ANKS1B: variants seen among roughly 807,000 people sequenced by gnomAD.
ANKS1B encodes ankyrin repeat and sterile alpha motif domain containing 1B.
In ANKS1B, 36 loss-of-function variants were observed where a neutral mutation model predicts 148.3. That is an observed-to-expected ratio of 0.24 (90% CI 0.19 to 0.32). The LOEUF is 0.32. ANKS1B is among the 10% of genes least tolerant of loss of function. ANKS1B has a pLI of 1.00. For synonymous variants in ANKS1B, 542 were observed against 560.8 expected, an observed-to-expected ratio of 0.97 and a Z score of 0.47; for missense variants, 1,157 against 1,542.6, an observed-to-expected ratio of 0.75 and a Z score of 4.19.
intron 1 of ANKS1B, among the ~76,000 whole-genome samples, chr12:99,867,555 A>T (rs1002980681): frequency 7.9e-5 from 12 of 152,242 alleles, no homozygotes; most frequent in African/African-American, 2.6e-4. Context: ...GCCAAGCAAA[A>T]AGAGTTTCCC....
At chr12:98,917,025 A>G (rs1051625838) in intron 17 of ANKS1B, among the ~76,000 whole-genome samples, 6 of 151,320 alleles carry the variant, frequency 4.0e-5, no homozygotes, top group South Asian at 2.1e-4. Context: ...CAGTGGCACA[A>G]TCACAGCTCA....
chr12:98,757,724 A>ACTT (rs2098284186), intron 25 of ANKS1B, among the ~76,000 whole-genome samples: 2 of 152,204 alleles, frequency 1.3e-5, no homozygotes, highest in African/African-American at 4.8e-5. Context: ...ATTTAGTTTT[A>ACTT]CTTTTATTAC....
At chr12:99,599,553 G>A (rs190915919) in intron 9 of ANKS1B, among the ~76,000 whole-genome samples, 71 of 152,192 alleles carry the variant, frequency 4.7e-4, no homozygotes, top group African/African-American at 1.5e-3. Context: ...TAGAAGGCAA[G>A]AGATTATTGA....
intron 1 of ANKS1B, among the ~76,000 whole-genome samples, chr12:99,864,993 G>C (rs1363168105): frequency 6.6e-6 from 1 of 152,182 alleles, no homozygotes; most frequent in Non-Finnish European, 1.5e-5. Context: ...CGTTTGCCTA[G>C]TGATCTTTTC....
intron 1 of ANKS1B, among the ~76,000 whole-genome samples, chr12:99,871,340 A>G (rs2091490303): frequency 6.6e-6 from 1 of 152,074 alleles, no homozygotes; most frequent in South Asian, 2.1e-4. Flanking sequence ...AACTCCAATA[A>G]TGTGATGACT....
chr12:98,918,605 G>A (rs1423128252), intron 17 of ANKS1B, among the ~76,000 whole-genome samples: 1 of 152,030 alleles, frequency 6.6e-6, no homozygotes, highest in Non-Finnish European at 1.5e-5. Context: ...TATATTCTTG[G>A]ATTAAATGGT....
chr12:99,542,237 T>C (rs2097132922), intron 9 of ANKS1B, among the ~76,000 whole-genome samples: 1 of 152,044 alleles, frequency 6.6e-6, no homozygotes, highest in African/African-American at 2.4e-5. Flanking sequence ...AGGACAATAC[T>C]AAAAAAACCA....
At chr12:98,979,120 C>T (rs1157390672) in intron 17 of ANKS1B, among the ~76,000 whole-genome samples, 1 of 151,064 alleles carries the variant, frequency 6.6e-6, no homozygotes, top group Non-Finnish European at 1.5e-5. Flanking sequence ...CTAGCCTGGG[C>T]AACAGAGCGA....
rs116953725 is a variant in ANKS1B, at chr12:98,900,818, G to A, written c.2779-68682C>T. On this transcript the variant is annotated intron_variant, in intron 17 of 26. Transcript: ENST00000683438. ...TTGAATACCTGTGATGTCATATGTC[G>A]AGCTGGTTGCTAAGGGATAGGAAAG... is the stretch of plus-strand genomic sequence containing the variant. Among the ~76,000 whole-genome samples the A allele has an allele frequency of 6.4e-3, 980 of 152,192 alleles. 5 individuals are homozygous for A. Among genetic ancestry groups the A allele is most frequent in the South Asian group, 0.016 (76 of 4,808 alleles).
At chr12:98,789,357 A>G (rs1162723879) in intron 22 of ANKS1B, among the ~76,000 whole-genome samples, 1 of 151,932 alleles carries the variant, frequency 6.6e-6, no homozygotes, top group Non-Finnish European at 1.5e-5. Flanking sequence ...AAAACAAAAA[A>G]CCTGAAAAAA....
intron 17 of ANKS1B, among the ~76,000 whole-genome samples, chr12:98,884,907 T>C (rs2099735901): frequency 6.6e-6 from 1 of 151,700 alleles, no homozygotes; most frequent in Non-Finnish European, 1.5e-5. Context: ...GTAGACCCAA[T>C]GATCTGCTTG....
chr12:99,199,351 C>G (rs1176155975), intron 14 of ANKS1B, among the ~76,000 whole-genome samples: 2 of 152,130 alleles, frequency 1.3e-5, no homozygotes, highest in Non-Finnish European at 2.9e-5. Flanking sequence ...TAAACTATTT[C>G]CTGTGTTGTT....
chr12:99,370,131 C>T (rs2093045585), intron 12 of ANKS1B, among the ~76,000 whole-genome samples: 1 of 152,068 alleles, frequency 6.6e-6, no homozygotes, highest in Admixed American at 6.5e-5. Context: ...AAAAATTAGT[C>T]TTCAGCAGCT....
rs142497743 is a variant in ANKS1B at position 99,742,572 on chromosome 12, C to T, written c.1128+30350G>A. Among the ~76,000 whole-genome samples the T allele has an allele frequency of 2.5e-4, 38 of 151,674 alleles. 1 individual carries two copies. The highest frequency in any genetic ancestry group is 3.4e-3 in the Middle Eastern group (1 of 294). ...GAATTTGGCTGGGTGCAGTGAATCA[C>T]GCCTGTAATCCCAGCACTTTGGGAG... On this transcript the variant is annotated intron_variant, in intron 8 of 26. Transcript: ENST00000683438.
At chr12:99,790,069 A>G (rs2065463287) in intron 4 of ANKS1B, among the ~76,000 whole-genome samples, 1 of 152,218 alleles carries the variant, frequency 6.6e-6, no homozygotes, top group Non-Finnish European at 1.5e-5. Context: ...GCATTTAAGA[A>G]TCAAACTCCC....
intron 1 of ANKS1B, among the ~76,000 whole-genome samples, chr12:99,908,719 C>T (rs186065802): frequency 6.6e-6 from 1 of 152,318 alleles, no homozygotes; most frequent in Non-Finnish European, 1.5e-5. Context: ...TCGGTCTCTG[C>T]TGAAATATTA....
chr12:99,691,402 C>T (rs2098678657), intron 8 of ANKS1B, among the ~76,000 whole-genome samples: 1 of 152,182 alleles, frequency 6.6e-6, no homozygotes, highest in African/African-American at 2.4e-5. Flanking sequence ...TGTCAGGCTG[C>T]AAATTTTTCA....
intron 1 of ANKS1B, among the ~76,000 whole-genome samples, chr12:99,932,058 A>G (rs922984652): frequency 3.9e-5 from 6 of 152,170 alleles, no homozygotes; most frequent in Admixed American, 3.3e-4. Flanking sequence ...TTCACTTGAC[A>G]TAACGTCTTC....
intron 8 of ANKS1B, among the ~76,000 whole-genome samples, chr12:99,768,821 C>G (rs2062910353): frequency 8.9e-6 from 1 of 112,420 alleles, no homozygotes; most frequent in East Asian, 3.3e-4. Context: ...ACGACTCCGT[C>G]TCAGAAAAAA....
Sources: gnomAD v4.1 joint callset for allele counts (sites outside exome capture counted in the v4.1 genomes callset) on GRCh38, gnomAD v4.1.1 for gene constraint, MANE v1.5 for transcripts, NCBI Gene and HGNC (gene_info 2026-07-23, HGNC 2026-07-21) for gene names.